Variants in MAP4K5 observed in about 807,000 individuals in gnomAD.
MAP4K5 encodes the protein MAPK/ERK kinase kinase kinase 5.
Under a neutral mutation model 135.6 loss-of-function variants are expected in MAP4K5, and 82 were observed. That is an observed-to-expected ratio of 0.60 (90% CI 0.51 to 0.73). The LOEUF is 0.73. Ranked by LOEUF, MAP4K5 falls within the 30% of genes least tolerant of loss-of-function variation. MAP4K5 has a pLI of 0.00. For missense variants in MAP4K5, 907 were observed against 1,010.9 expected (o/e 0.90, Z 1.39); for synonymous variants, 347 against 335.0 (o/e 1.04, Z -0.39).
intron 2 of MAP4K5, among the ~76,000 whole-genome samples, chr14:50,525,112 C>T (rs939296423): frequency 6.6e-6 from 1 of 152,148 alleles, no homozygotes; most frequent in South Asian, 2.1e-4. Context: ...CAGGTACCAC[C>T]CCATAAAGTG....
chr14:50,555,518 A>G (rs892013965), intron 1 of MAP4K5, among the ~76,000 whole-genome samples: 4 of 152,198 alleles, frequency 2.6e-5, no homozygotes, highest in Admixed American at 1.3e-4. Flanking sequence ...TCCTGAGCTC[A>G]GGCAATCTGC....
At chr14:50,488,290 C>G (rs1437090576) in intron 3 of MAP4K5, among the ~76,000 whole-genome samples, 1 of 152,168 alleles carries the variant, frequency 6.6e-6, no homozygotes, top group Admixed American at 6.5e-5. Context: ...GGGGAAACCA[C>G]CTCCATGATC....
At chr14:50,421,162 A>G (rs983837251) in intron 32 of MAP4K5, among the ~76,000 whole-genome samples, 1 of 152,308 alleles carries the variant, frequency 6.6e-6, no homozygotes, top group Admixed American at 6.5e-5. Flanking sequence ...TTATAATCCA[A>G]CTGCCCAGAG....
intron 2 of MAP4K5, among the ~76,000 whole-genome samples, chr14:50,513,199 G>A (rs978778843): frequency 5.3e-5 from 8 of 151,896 alleles, no homozygotes; most frequent in Admixed American, 2.0e-4. Context: ...TTTTCTATTC[G>A]CATTGCTAAT....
intron 2 of MAP4K5, among the ~76,000 whole-genome samples, chr14:50,530,872 G>A (rs1174759694): frequency 6.6e-6 from 1 of 152,106 alleles, no homozygotes. Context: ...TAATTAGGAG[G>A]AAATTAAAAG....
chr14:50,444,176 A>G, intron 18 of MAP4K5, 140 bp from the exon 19 acceptor site: 1 of 652,892 alleles, frequency 1.5e-6, no homozygotes, highest in Non-Finnish European at 2.7e-6. Flanking sequence ...CAGGTAAGTT[A>G]TCTTTGGTGT....
chr14:50,495,889 G>T (rs973045734), intron 3 of MAP4K5, among the ~76,000 whole-genome samples: 1 of 152,204 alleles, frequency 6.6e-6, no homozygotes, highest in African/African-American at 2.4e-5. Context: ...TAGAATGGTG[G>T]TTACTAGTGG....
chr14:50,552,934 T>C (rs1432149682), intron 1 of MAP4K5, among the ~76,000 whole-genome samples: 1 of 152,096 alleles, frequency 6.6e-6, no homozygotes, highest in African/African-American at 2.4e-5. Flanking sequence ...GAAAAACTCT[T>C]ATAGACATGG....
chr14:50,520,133 G>A (rs2038117497), intron 2 of MAP4K5, among the ~76,000 whole-genome samples: 1 of 152,136 alleles, frequency 6.6e-6, no homozygotes, highest in East Asian at 1.9e-4. Context: ...GGGAGGCCGA[G>A]GCGGGTGGAT....
chr14:50,482,537 G>C, intron 5 of MAP4K5, 121 bp from the exon 6 acceptor site: 1 of 613,706 alleles, frequency 1.6e-6, no homozygotes. Flanking sequence ...CCAGCACTTT[G>C]GGAGGCCAAG....
At chr14:50,465,076 C>T (rs1417114901) in intron 11 of MAP4K5, among the ~76,000 whole-genome samples, 2 of 152,192 alleles carry the variant, frequency 1.3e-5, no homozygotes, top group Non-Finnish European at 2.9e-5. Context: ...TAATTAGCAG[C>T]ACAATATAAA....
chr14:50,477,769 T>G (rs1163863409), intron 6 of MAP4K5, among the ~76,000 whole-genome samples: 2 of 152,194 alleles, frequency 1.3e-5, no homozygotes, highest in Non-Finnish European at 2.9e-5. Context: ...GATGAAATGA[T>G]TTTTGGATAT....
At chr14:50,515,027 C>T (rs544510619) in intron 2 of MAP4K5, among the ~76,000 whole-genome samples, 11 of 152,184 alleles carry the variant, frequency 7.2e-5, no homozygotes, top group East Asian at 3.9e-4. Flanking sequence ...CTTCAGCCTC[C>T]CGAGTAGCTG....
chr14:50,473,849 G>A (rs1414325764), intron 9 of MAP4K5, among the ~76,000 whole-genome samples: 4 of 151,044 alleles, frequency 2.6e-5, no homozygotes, highest in Non-Finnish European at 5.9e-5. Flanking sequence ...TCAGCCTCCC[G>A]AGGAGCTGGG....
In MAP4K5 at chr14:50,434,380, T is replaced by G; in HGVS notation, c.2164+14A>C. The stretch of plus-strand genomic sequence containing the variant: ...AAAATATCAATATTCTAACATAAGG[T>G]AAAAAATACTTACCTGCACCAATTT... On this transcript the variant is annotated intron_variant, in intron 28 of 32. Transcript: ENST00000682126. 6.3e-7 allele frequency: 1 copy of G among 1,577,934 alleles called. No individual in the cohort carries two copies. The highest frequency in any genetic ancestry group is 8.6e-7 in the Non-Finnish European group (1 of 1,160,432).
chr14:50,437,769 T>C (rs1387940405), intron 25 of MAP4K5, 125 bp downstream of exon 25: 1 of 702,320 alleles, frequency 1.4e-6, no homozygotes, highest in Non-Finnish European at 2.4e-6. Context: ...CCAGATATAA[T>C]ACACTTTAGT....
At chr14:50,488,939 T>G (rs1182062948) in intron 3 of MAP4K5, among the ~76,000 whole-genome samples, 1 of 152,258 alleles carries the variant, frequency 6.6e-6, no homozygotes, top group Non-Finnish European at 1.5e-5. Context: ...TTTTGTAGTT[T>G]ATCCTGAGAG....
chr14:50,484,106 G>A (rs910713919), intron 5 of MAP4K5, among the ~76,000 whole-genome samples: 2 of 152,056 alleles, frequency 1.3e-5, no homozygotes, highest in African/African-American at 4.8e-5. Flanking sequence ...GCCTCCCAAA[G>A]TGCTGGAATT....
At chr14:50,540,597 C>T (rs1053137608) in intron 2 of MAP4K5, among the ~76,000 whole-genome samples, 12 of 152,146 alleles carry the variant, frequency 7.9e-5, no homozygotes. Context: ...TTGATATTAG[C>T]TCTAAATAAT....
Sources: gnomAD v4.1 joint callset for allele counts (sites outside exome capture counted in the v4.1 genomes callset) on GRCh38, gnomAD v4.1.1 for gene constraint, MANE v1.5 for transcripts, NCBI Gene and HGNC (gene_info 2026-07-23, HGNC 2026-07-21) for gene names.